The following HM13 variants were observed in gnomAD, a reference collection of about 807,000 sequenced individuals.
HM13 encodes the protein signal peptide peptidase.
HM13 carries 18 observed loss-of-function variants against 50.0 expected under a neutral mutation model. That is an observed-to-expected ratio of 0.36 (90% CI 0.25 to 0.53). The LOEUF (loss-of-function observed/expected upper bound fraction) is 0.53. HM13 is among the 20% of genes least tolerant of loss of function. The pLI, the probability that HM13 is intolerant of heterozygous loss-of-function variation, is 0.90. For missense variants in HM13, 393 were observed against 552.4 expected (o/e 0.71, Z 2.89); for synonymous variants, 197 against 232.6 (o/e 0.85, Z 1.39).
rs1182187962 is a variant in HM13 at position 31,569,323 on chromosome 20, G to A, written c.*104G>A. The A allele has an allele frequency of 4.2e-5, 31 of 735,398 alleles. No homozygotes were observed. The highest frequency in any genetic ancestry group is 2.5e-4 in the Admixed American group (10 of 40,242). 45.6% of individuals were successfully genotyped at this position (735,398 alleles called of 1,614,324 possible). On this transcript the variant is annotated 3_prime_UTR_variant, in exon 13 of 13. Transcript: ENST00000398174. ...GCACAGGAGGCCAAGGGCAGCTCCA[G>A]GACAGGGCAGGGGGCAGCAGGATAC...
chr20:31,555,421 C>A (rs1394153493), intron 8 of HM13, among the ~76,000 whole-genome samples: 1 of 132,866 alleles, frequency 7.5e-6, no homozygotes, highest in Non-Finnish European at 1.5e-5. Flanking sequence ...GTCAGTGTGT[C>A]TGTGGGTATG....
Position 31,547,737 on chromosome 20 carries a change from T to G in HM13, c.455-1292T>G, listed in dbSNP as rs192947964. 8 of 1,059,980 alleles carry G rather than the reference T, an allele frequency of 7.5e-6. No individual in the cohort carries two copies. The African/African-American group carries it at 1.3e-4, about 17-fold the overall frequency. The allele number at this position is 1,059,980 out of a possible 1,614,324, so 65.7% of individuals were successfully genotyped here. ...TTTTTAGACAAAGAAAGGGGCCTTT[T>G]TGTCCAACTCTAAGGTTGCTTCACA... On this transcript the variant is annotated intron_variant, in intron 4 of 12. Transcript: ENST00000398174.
At chr20:31,517,640 G>A (rs1981877797) in intron 1 of HM13, among the ~76,000 whole-genome samples, 1 of 152,162 alleles carries the variant, frequency 6.6e-6, no homozygotes, top group Admixed American at 6.6e-5. Flanking sequence ...GGCAGAGCAG[G>A]AGAAGGTGGG....
At chr20:31,535,461 C>T (rs1422724809) in intron 2 of HM13, 1 of 152,120 alleles carries the variant, frequency 6.6e-6, no homozygotes, top group African/African-American at 2.4e-5. Context: ...AGCCAAAACA[C>T]AAAGGAAAGT....
intron 1 of HM13, among the ~76,000 whole-genome samples, chr20:31,520,748 A>G (rs1418847364): frequency 6.6e-6 from 1 of 152,148 alleles, no homozygotes; most frequent in East Asian, 1.9e-4. Context: ...ATGAGGGCCA[A>G]AGGATTGGGG....
chr20:31,562,077 G>C (rs1200341065), intron 10 of HM13, among the ~76,000 whole-genome samples: 5 of 152,252 alleles, frequency 3.3e-5, no homozygotes, highest in African/African-American at 1.2e-4. Context: ...GTCCAGGAAA[G>C]AGGATTTGGC....
At chr20:31,558,456 TCTC>T (rs1253147655) in intron 8 of HM13, among the ~76,000 whole-genome samples, 1 of 152,120 alleles carries the variant, frequency 6.6e-6, no homozygotes, top group African/African-American at 2.4e-5. Flanking sequence ...TATCTCCTCA[TCTC>T]CTGCCAGTAG....
chr20:31,517,331 G>C (rs1299298595), intron 1 of HM13, among the ~76,000 whole-genome samples: 1 of 152,182 alleles, frequency 6.6e-6, no homozygotes, highest in Non-Finnish European at 1.5e-5. Flanking sequence ...AGCAGTCTCA[G>C]AGCAGCACCC....
intron 1 of HM13, among the ~76,000 whole-genome samples, chr20:31,520,811 A>G (rs1982111003): frequency 6.6e-6 from 1 of 152,200 alleles, no homozygotes; most frequent in South Asian, 2.1e-4. Flanking sequence ...ATGTTGTGGT[A>G]AAGAATGGAG....
intron 3 of HM13, 63 bp from the exon 4 acceptor site, chr20:31,544,884 G>A: frequency 1.6e-6 from 2 of 1,281,684 alleles, no homozygotes; most frequent in East Asian, 2.3e-5. Flanking sequence ...TGGGGCAGGG[G>A]TGTGTTAAGG....
chr20:31,514,988 C>T lies in HM13; in HGVS notation c.183+254C>T, dbSNP rs898880831. ...CTTCTGCTCCCGACCCGGACCCTGACACTTCCCTCCCTGTGCATCATGCCG... is the reference window on the plus strand; with the variant it reads ...CTTCTGCTCCCGACCCGGACCCTGATACTTCCCTCCCTGTGCATCATGCCG... On this transcript the variant is annotated intron_variant, in intron 1 of 12. Coordinates refer to ENST00000398174, the MANE Select transcript of HM13 (RefSeq NM_178581.3). The surrounding 1 kb of genome is among the most constrained non-coding windows in gnomAD (Gnocchi z 4.3). Among the ~76,000 whole-genome samples the T allele has an allele frequency of 2.0e-5, 3 of 152,210 alleles. No homozygotes were observed. Among genetic ancestry groups the T allele is most frequent in the Non-Finnish European group, 4.4e-5 (3 of 68,030 alleles).
Position 31,566,286 on chromosome 20 carries a change from A to G in HM13, c.1025A>G (p.Glu342Gly). The G allele has an allele frequency of 6.2e-7, 1 of 1,613,828 alleles. No homozygotes were observed. The highest frequency in any genetic ancestry group is 8.5e-7 in the Non-Finnish European group (1 of 1,179,822). Residue 342 changes from glutamate (E) to glycine (G), a missense_variant, in exon 11 of 13, where the codon GAG (glutamate) becomes GGG (glycine). By Grantham distance (98) the Glu-to-Gly change is moderately conservative (BLOSUM62 -2). Transcript: ENST00000398174. ...GCGCTGGCCAAGGGAGAAGTGACAG[A>G]GATGTTCAGGTAAGGCAGAGTGGGG... is the stretch of plus-strand genomic sequence containing the variant. Reference protein sequence around the residue: ...LVALAKGEVTEMFSYESSAEI... With the variant: ...LVALAKGEVTGMFSYESSAEI...
chr20:31,548,810 G>A (rs999028305), intron 4 of HM13: 7 of 586,336 alleles, frequency 1.2e-5, no homozygotes, highest in Non-Finnish European at 2.1e-5. Context: ...CTCTCTCTGG[G>A]CCTCCATTCC....
At chr20:31,550,240 G>A (rs1983970194) in intron 7 of HM13, 119 bp downstream of exon 7, 2 of 763,186 alleles carry the variant, frequency 2.6e-6, no homozygotes, top group Admixed American at 1.8e-5. Context: ...TTCCTCCTGT[G>A]GCTCCCCAGC....
At chr20:31,567,111 G>A (rs1984967489) in intron 11 of HM13, among the ~76,000 whole-genome samples, 3 of 151,960 alleles carry the variant, frequency 2.0e-5, no homozygotes, top group Admixed American at 1.3e-4. Context: ...TGCCCTCCCT[G>A]TCCTGTCTAG....
chr20:31,526,016 C>G (rs1193761823), intron 1 of HM13, among the ~76,000 whole-genome samples: 1 of 152,048 alleles, frequency 6.6e-6, no homozygotes, highest in African/African-American at 2.4e-5. Flanking sequence ...GTCCCAGCTA[C>G]TTGAGAGGCT....
intron 2 of HM13, among the ~76,000 whole-genome samples, chr20:31,533,054 A>G (rs1004225005): frequency 6.6e-5 from 10 of 152,220 alleles, no homozygotes; most frequent in Non-Finnish European, 1.5e-4. Context: ...CTGCCTGGAC[A>G]GCACAGCCAC....
chr20:31,568,292 A>G, intron 12 of HM13, 68 bp downstream of exon 12: 4 of 1,574,602 alleles, frequency 2.5e-6, no homozygotes, highest in Non-Finnish European at 3.4e-6. Flanking sequence ...TAGGGCAGAC[A>G]CTGCAGCTCC....
chr20:31,558,909 G>A (rs1157341125), intron 8 of HM13, among the ~76,000 whole-genome samples: 1 of 151,652 alleles, frequency 6.6e-6, no homozygotes, highest in Non-Finnish European at 1.5e-5. Context: ...TTTGTTTTTT[G>A]TTGTTGTTTT....
Sources: allele counts gnomAD v4.1 joint callset (sites outside exome capture counted in the v4.1 genomes callset), GRCh38; gene constraint gnomAD v4.1.1; non-coding constraint Gnocchi (gnomAD v3.1); transcripts MANE v1.5; gene names NCBI Gene and HGNC (gene_info 2026-07-23, HGNC 2026-07-21).